Variants in SAMD5 observed in about 807,000 individuals in gnomAD.
SAMD5 encodes the protein sterile alpha motif domain-containing protein 5.
SAMD5 carries 13 observed loss-of-function variants against 11.3 expected under a neutral mutation model. That is an observed-to-expected ratio of 1.15 (90% CI 0.75 to 1.83). SAMD5 has a LOEUF of 1.83. Ranked by LOEUF, SAMD5 falls within the 40% of genes most tolerant of loss-of-function variation. SAMD5 has a pLI of 0.00. For missense variants in SAMD5, 255 were observed against 239.1 expected (o/e 1.07, Z -0.44); for synonymous variants, 129 against 111.3 (o/e 1.16, Z -1.00).
chr6:147,724,441 C>T (rs1484642023), intron 1 of SAMD5, among the ~76,000 whole-genome samples: 3 of 152,168 alleles, frequency 2.0e-5, no homozygotes, highest in Non-Finnish European at 4.4e-5. Flanking sequence ...CATATTGGGT[C>T]ATTTTTAAGG....
chr6:147,800,712 G>T, the SAMD5 span, among the ~76,000 whole-genome samples: 1 of 151,982 alleles, frequency 6.6e-6, no homozygotes, highest in South Asian at 2.1e-4. Context: ...AATTCTAAAA[G>T]CCTAATGAAT....
chr6:147,697,639 T>C (rs1791195462), intron 1 of SAMD5, among the ~76,000 whole-genome samples: 1 of 152,080 alleles, frequency 6.6e-6, no homozygotes, highest in Non-Finnish European at 1.5e-5. Context: ...AAACTAAAAC[T>C]AGGGGTTTAT....
the SAMD5 span, among the ~76,000 whole-genome samples, chr6:147,914,078 A>G: frequency 1.3e-5 from 2 of 152,134 alleles, no homozygotes; most frequent in Non-Finnish European, 2.9e-5. Context: ...CACAGGCCGC[A>G]TACGGCCCAG....
At chr6:147,745,113 A>G in the SAMD5 span, among the ~76,000 whole-genome samples, 3 of 152,118 alleles carry the variant, frequency 2.0e-5, no homozygotes, top group East Asian at 5.8e-4. Context: ...TTTAAAAACA[A>G]AATTCCTCTA....
At chr6:147,653,921 C>A (rs557642246) in intron 1 of SAMD5, among the ~76,000 whole-genome samples, 1 of 152,222 alleles carries the variant, frequency 6.6e-6, no homozygotes, top group East Asian at 1.9e-4. Flanking sequence ...AGAGAAGTTG[C>A]CTTTGAGACT....
intron 1 of SAMD5, among the ~76,000 whole-genome samples, chr6:147,612,720 A>G (rs555210311): frequency 2.0e-5 from 3 of 152,348 alleles, no homozygotes; most frequent in African/African-American, 7.2e-5. Context: ...GCTGTGTAAA[A>G]TTGGATAAAT....
chr6:147,691,527 A>T (rs1791103121), intron 1 of SAMD5, among the ~76,000 whole-genome samples: 1 of 152,202 alleles, frequency 6.6e-6, no homozygotes, highest in Admixed American at 6.5e-5. Flanking sequence ...TTATAAAGTG[A>T]TAAAAATATG....
At chr6:147,943,303 A>G in the SAMD5 span, among the ~76,000 whole-genome samples, 1 of 152,188 alleles carries the variant, frequency 6.6e-6, no homozygotes, top group South Asian at 2.1e-4. Context: ...TTCCCCCTCA[A>G]CTACTGTATC....
the SAMD5 span, among the ~76,000 whole-genome samples, chr6:147,875,089 C>T: frequency 6.6e-6 from 1 of 152,124 alleles, no homozygotes; most frequent in African/African-American, 2.4e-5. Flanking sequence ...TTTAAAACTT[C>T]TTCATTTAAA....
intron 1 of SAMD5, among the ~76,000 whole-genome samples, chr6:147,522,187 T>C: frequency 6.6e-6 from 1 of 152,178 alleles, no homozygotes; most frequent in East Asian, 1.9e-4. Flanking sequence ...ATTTCTTTCT[T>C]CTAGTGTTAT....
chr6:147,816,280 C>CAAAAAA, the SAMD5 span, among the ~76,000 whole-genome samples: 6 of 12,698 alleles, frequency 4.7e-4, no homozygotes, highest in African/African-American at 1.3e-3. Flanking sequence ...AACTCCGTCT[C>CAAAAAA]CAAAAAAAAA....
chr6:147,626,183 A>C (rs1790048177), intron 1 of SAMD5, among the ~76,000 whole-genome samples: 1 of 152,132 alleles, frequency 6.6e-6, no homozygotes, highest in Non-Finnish European at 1.5e-5. Context: ...GGCCAAAAGG[A>C]TCACAGTGTC....
At chr6:147,909,071 T>C in the SAMD5 span, among the ~76,000 whole-genome samples, 4 of 152,242 alleles carry the variant, frequency 2.6e-5, no homozygotes, top group South Asian at 8.3e-4. Context: ...TTAGCCGGCA[T>C]GGTGGTGTGC....
chr6:147,749,669 G>A, the SAMD5 span, among the ~76,000 whole-genome samples: 1 of 152,180 alleles, frequency 6.6e-6, no homozygotes. Flanking sequence ...TGGCAAAGAA[G>A]CCAGAGGAAC....
chr6:147,743,868 G>A, the SAMD5 span, among the ~76,000 whole-genome samples: 1 of 152,184 alleles, frequency 6.6e-6, no homozygotes, highest in African/African-American at 2.4e-5. Flanking sequence ...GGACTTAATA[G>A]AGTCTGTCTA....
At chr6:147,688,070 A>G (rs573588165) in intron 1 of SAMD5, among the ~76,000 whole-genome samples, 147 of 152,042 alleles carry the variant, frequency 9.7e-4, no homozygotes, top group African/African-American at 3.4e-3. Context: ...AACTTTTCAC[A>G]GGGTCCCATA....
At chr6:147,577,316 GC>G (rs1562325050) in intron 1 of SAMD5, among the ~76,000 whole-genome samples, 2 of 152,108 alleles carry the variant, frequency 1.3e-5, no homozygotes, top group African/African-American at 4.8e-5. Flanking sequence ...GTTTGTCATT[GC>G]CCCTACCAAT....
the SAMD5 span, among the ~76,000 whole-genome samples, chr6:147,816,592 A>G: frequency 8.6e-4 from 131 of 152,102 alleles, no homozygotes; most frequent in African/African-American, 2.9e-3. Context: ...TTACAAAAAG[A>G]TAATTATTTA....
At chr6:147,875,701 G>A in the SAMD5 span, among the ~76,000 whole-genome samples, 6 of 152,022 alleles carry the variant, frequency 3.9e-5, no homozygotes, top group Non-Finnish European at 5.9e-5. Context: ...CAGTGGCCGC[G>A]TTAGATTTTC....
Sources: gnomAD v4.1 joint callset for allele counts (sites outside exome capture counted in the v4.1 genomes callset) on GRCh38, gnomAD v4.1.1 for gene constraint, MANE v1.5 for transcripts, NCBI Gene and HGNC (gene_info 2026-07-23, HGNC 2026-07-21) for gene names.